The following SEMA3A variants were observed in gnomAD, a reference collection of about 807,000 sequenced individuals.
The protein encoded by SEMA3A is semaphorin-3A.
Under a neutral mutation model 97.9 loss-of-function variants are expected in SEMA3A, and 29 were observed. The observed-to-expected ratio is 0.30, with a 90% CI of 0.22 to 0.40. The LOEUF is 0.40. SEMA3A is among the 10% of genes least tolerant of loss of function. The pLI is 1.00. For missense variants in SEMA3A, 763 were observed against 951.3 expected, an observed-to-expected ratio of 0.80 and a Z score of 2.60; for synonymous variants, 321 against 323.7, an observed-to-expected ratio of 0.99 and a Z score of 0.09.
intron 6 of SEMA3A, among the ~76,000 whole-genome samples, chr7:84,036,919 T>C (rs975845108): frequency 4.6e-5 from 7 of 152,100 alleles, no homozygotes; most frequent in Non-Finnish European, 7.4e-5. Flanking sequence ...CATTATAAAA[T>C]TGAGAGTTAA....
rs752049351 is a variant in SEMA3A at position 84,011,025 on chromosome 7, G to A, written c.992C>T (p.Ser331Phe). Residue 331 changes from serine to phenylalanine, a missense_variant, in exon 9 of 17, where the codon TCC becomes TTC. Ser to Phe is a radical substitution (Grantham distance 155). Coordinates refer to ENST00000265362, the MANE Select transcript of SEMA3A (RefSeq NM_006080.3). ...AGGTAGTTAAAAAGTTACTTACCTGGAAGTCGTAAACACTCCATATACAAC... is the reference window on the plus strand; with the variant it reads ...AGGTAGTTAAAAAGTTACTTACCTGAAAGTCGTAAACACTCCATATACAAC... The part of the protein sequence containing the change: ...NPVVYGVFTT[S>F]SNIFKGSAVC... 1 of 1,599,454 alleles carries A rather than the reference G, an allele frequency of 6.3e-7. No individual in the cohort carries two copies. The highest frequency in any genetic ancestry group is 8.5e-7 in the Non-Finnish European group (1 of 1,170,078).
intron 3 of SEMA3A, among the ~76,000 whole-genome samples, chr7:84,218,485 T>C (rs1027978399): frequency 6.6e-6 from 1 of 152,140 alleles, no homozygotes; most frequent in Non-Finnish European, 1.5e-5. Flanking sequence ...TAGAAAATTA[T>C]GTATAAAAGA....
intron 1 of SEMA3A, among the ~76,000 whole-genome samples, chr7:84,387,602 T>C (rs1803431611): frequency 6.6e-6 from 1 of 152,188 alleles, no homozygotes; most frequent in Non-Finnish European, 1.5e-5. Flanking sequence ...TCCTGCTTGA[T>C]TTCTTTTCAT....
At chr7:84,153,007 T>C (rs969071252) in intron 1 of SEMA3A, among the ~76,000 whole-genome samples, 1 of 152,150 alleles carries the variant, frequency 6.6e-6, no homozygotes, top group African/African-American at 2.4e-5. Context: ...TAAAAATACT[T>C]CTACTTTTTA....
chr7:84,132,453 G>C (rs1283084708), intron 2 of SEMA3A, among the ~76,000 whole-genome samples: 1 of 151,726 alleles, frequency 6.6e-6, no homozygotes, highest in African/African-American at 2.4e-5. Context: ...TAATTGAATA[G>C]TTTAACCACA....
At chr7:83,984,212 T>C (rs2116326453) in intron 13 of SEMA3A, among the ~76,000 whole-genome samples, 1 of 152,202 alleles carries the variant, frequency 6.6e-6, no homozygotes, top group Non-Finnish European at 1.5e-5. Flanking sequence ...TTAAAAATCA[T>C]TACAGGAAAG....
intron 3 of SEMA3A, among the ~76,000 whole-genome samples, chr7:84,229,646 G>A (rs959644450): frequency 6.6e-6 from 1 of 151,958 alleles, no homozygotes; most frequent in African/African-American, 2.4e-5. Flanking sequence ...AAGGTTTTCT[G>A]TAGAGTAGAA....
chr7:84,358,012 G>A (rs1802611998), intron 2 of SEMA3A, among the ~76,000 whole-genome samples: 1 of 152,152 alleles, frequency 6.6e-6, no homozygotes, highest in South Asian at 2.1e-4. Context: ...ATTTGTTTGA[G>A]TTCTTTGTAG....
Position 84,312,833 on chromosome 7 carries a change from G to A in SEMA3A, c.-168-5541C>T, listed in dbSNP as rs867184011. 4.5e-4 allele frequency among the ~76,000 whole-genome samples: 59 copies of A among 130,780 alleles called. No individual in the cohort carries two copies. In the South Asian group the frequency reaches 6.1e-3, roughly 13 times the overall value. 85.8% of individuals were successfully genotyped at this position (130,780 alleles called of 152,430 possible). A position where few individuals can be genotyped will look rare whatever the true frequency, so the allele number is the denominator to read the frequency against. ...AGTGTTCAGTACTACCAACGTTTCT[G>A]GAGTCCCTATTTCTTTCAGAGGATA... is the stretch of plus-strand genomic sequence containing the variant. On this transcript the variant is annotated intron_variant, in intron 2 of 3. Coordinates refer to the SEMA3A transcript ENST00000424555.
At chr7:84,047,389 A>G (rs564633471) in intron 5 of SEMA3A, among the ~76,000 whole-genome samples, 1 of 152,174 alleles carries the variant, frequency 6.6e-6, no homozygotes, top group Admixed American at 6.6e-5. Flanking sequence ...ACAATCTCAT[A>G]ATGTAAATAA....
intron 3 of SEMA3A, among the ~76,000 whole-genome samples, chr7:84,282,771 TG>T (rs1197811700): frequency 6.6e-6 from 1 of 152,112 alleles, no homozygotes; most frequent in African/African-American, 2.4e-5. Flanking sequence ...CCCAGCACTT[TG>T]GGAGGCCAAG....
intron 4 of SEMA3A, among the ~76,000 whole-genome samples, chr7:84,085,384 G>A (rs567288250): frequency 1.3e-5 from 2 of 151,682 alleles, no homozygotes; most frequent in Admixed American, 6.6e-5. Context: ...CCATAAAATC[G>A]TAGACACTAT....
chr7:84,262,645 A>C (rs111687515), intron 3 of SEMA3A, among the ~76,000 whole-genome samples: 1 of 152,364 alleles, frequency 6.6e-6, no homozygotes, highest in African/African-American at 2.4e-5. Flanking sequence ...CCATATTCAT[A>C]TCTACTTCTA....
intron 12 of SEMA3A, among the ~76,000 whole-genome samples, chr7:83,992,523 T>A (rs975211533): frequency 6.6e-6 from 1 of 152,036 alleles, no homozygotes; most frequent in Admixed American, 6.6e-5. Context: ...GTTGTGTCTT[T>A]GTTGTTGTTG....
chr7:84,110,436 T>C (rs751364175), intron 4 of SEMA3A, 34 bp downstream of exon 4: 12 of 1,611,732 alleles, frequency 7.4e-6, no homozygotes, highest in Non-Finnish European at 9.3e-6. Flanking sequence ...AAAGGGGTCA[T>C]GGACAAATAT....
intron 2 of SEMA3A, among the ~76,000 whole-genome samples, chr7:84,313,344 ATATGTG>A (rs1329278909): frequency 2.4e-5 from 1 of 41,898 alleles, no homozygotes; most frequent in African/African-American, 9.6e-5. Context: ...ATATATATGT[ATATGTG>A]TGTGTGTATA....
chr7:84,408,339 T>C (rs1324864540), intron 1 of SEMA3A, among the ~76,000 whole-genome samples: 1 of 151,928 alleles, frequency 6.6e-6, no homozygotes, highest in African/African-American at 2.4e-5. Context: ...AAAACCACAA[T>C]GAGATATCAT....
At chr7:84,180,913 T>G (rs914381518) in intron 1 of SEMA3A, among the ~76,000 whole-genome samples, 4 of 152,264 alleles carry the variant, frequency 2.6e-5, no homozygotes, top group African/African-American at 9.6e-5. Flanking sequence ...CAGTTTTATT[T>G]AGATATTCAT....
chr7:84,310,058 G>A (rs1801275039), intron 2 of SEMA3A, among the ~76,000 whole-genome samples: 1 of 152,008 alleles, frequency 6.6e-6, no homozygotes, highest in Admixed American at 6.6e-5. Flanking sequence ...ACATACATAA[G>A]CTACGTTAAG....
Sources: gnomAD v4.1 joint callset for allele counts (sites outside exome capture counted in the v4.1 genomes callset) on GRCh38, gnomAD v4.1.1 for gene constraint, MANE v1.5 for transcripts, NCBI Gene and HGNC (gene_info 2026-07-23, HGNC 2026-07-21) for gene names.